PTPRD: variants seen among roughly 807,000 people sequenced by gnomAD.
The protein encoded by PTPRD is receptor-type tyrosine-protein phosphatase delta.
A neutral mutation model predicts 214.5 loss-of-function variants in PTPRD; 34 were observed. That is an observed-to-expected ratio of 0.16 (90% CI 0.12 to 0.21). PTPRD has a LOEUF of 0.21. Among genes scored for constraint, PTPRD ranks in the 10% least tolerant of loss-of-function variants. PTPRD has a pLI of 1.00. For synonymous variants in PTPRD, 1,128 were observed against 845.7 expected (o/e 1.33, Z -5.79); for missense variants, 2,545 against 2,398.7 (o/e 1.06, Z -1.27).
intron 9 of PTPRD, among the ~76,000 whole-genome samples, chr9:9,350,965 G>T (rs555189574): frequency 7.9e-5 from 12 of 152,070 alleles, no homozygotes; most frequent in Middle Eastern, 3.4e-3. Flanking sequence ...GCAAGTTTTT[G>T]TTCGTTTGTC....
chr9:8,496,171 A>AACACAC lies in PTPRD; in HGVS notation c.2349+1065_2349+1070dup, dbSNP rs566859758. ...ATGTATGTTCCACCTCCAACTCTCC[A>AACACAC]ACACACACACACACACACACACACA... On this transcript the variant is annotated intron_variant, in intron 26 of 45. Transcript: ENST00000381196. 6.8e-3 allele frequency among the ~76,000 whole-genome samples: 922 copies of AACACAC among 135,082 alleles called. 7 individuals carry two copies. The highest frequency in any genetic ancestry group is 0.034 in the Middle Eastern group (9 of 264). 88.6% of individuals were successfully genotyped at this position (135,082 alleles called of 152,430 possible).
At chr9:9,422,182 C>G (rs890763457) in intron 8 of PTPRD, among the ~76,000 whole-genome samples, 1 of 151,906 alleles carries the variant, frequency 6.6e-6, no homozygotes, top group African/African-American at 2.4e-5. Context: ...GAGATAAGTA[C>G]AATTATTATC....
intron 9 of PTPRD, among the ~76,000 whole-genome samples, chr9:9,226,156 G>T (rs2099959335): frequency 1.3e-5 from 2 of 151,724 alleles, no homozygotes; most frequent in Non-Finnish European, 2.9e-5. Flanking sequence ...TAAAGTGGGG[G>T]AAGAATAGTG....
At position 9,842,522 on chromosome 9, in the gene PTPRD, G is replaced by T. The variant is rs187781914; in HGVS notation, c.-367-75671C>A. Among the ~76,000 whole-genome samples the T allele has an allele frequency of 6.6e-5, 10 of 151,708 alleles. No individual in the cohort carries two copies. In the East Asian group the frequency reaches 1.9e-3, roughly 29 times the overall value. On this transcript the variant is annotated intron_variant, in intron 5 of 45. Coordinates refer to ENST00000381196, the MANE Select transcript of PTPRD (RefSeq NM_002839.4). ...AGAGAGTGTGGGAGGGAAGAAAAAA[G>T]AAATATTTGGGAACAAAAAAGAGAG...
At chr9:9,757,334 T>A (rs10977950) in intron 6 of PTPRD, among the ~76,000 whole-genome samples, 5,590 of 152,244 alleles carry the variant, frequency 0.037, 167 homozygotes, top group Non-Finnish European at 0.058. Context: ...ACAAAAGATG[T>A]AAGGAAGTAT....
chr9:9,915,631 A>G (rs1413806826), intron 5 of PTPRD, among the ~76,000 whole-genome samples: 1 of 151,808 alleles, frequency 6.6e-6, no homozygotes, highest in Non-Finnish European at 1.5e-5. Context: ...CTAGACCACC[A>G]AGCAGAAGAA....
chr9:9,546,336 T>G (rs1310200851), intron 8 of PTPRD, among the ~76,000 whole-genome samples: 1 of 151,824 alleles, frequency 6.6e-6, no homozygotes, highest in Non-Finnish European at 1.5e-5. Flanking sequence ...TTTTCTTGTC[T>G]TATTGCATAA....
chr9:9,223,312 ACCACACC>A (rs1322788922), intron 9 of PTPRD, among the ~76,000 whole-genome samples: 3 of 151,868 alleles, frequency 2.0e-5, no homozygotes, highest in African/African-American at 7.3e-5. Context: ...TTTCATGAAA[ACCACACC>A]CCACTGAGCT....
intron 2 of PTPRD, among the ~76,000 whole-genome samples, chr9:10,556,325 A>T (rs950040099): frequency 1.3e-5 from 2 of 151,844 alleles, no homozygotes; most frequent in Admixed American, 1.3e-4. Context: ...TAGAGTGGTA[A>T]ATATTTAGGA....
At chr9:8,824,322 G>A (rs1205978186) in intron 11 of PTPRD, among the ~76,000 whole-genome samples, 1 of 152,034 alleles carries the variant, frequency 6.6e-6, no homozygotes, top group African/African-American at 2.4e-5. Context: ...TGATCCTAAG[G>A]GTTGCCCAGG....
chr9:9,220,877 C>T (rs924875764), intron 9 of PTPRD, among the ~76,000 whole-genome samples: 1 of 152,036 alleles, frequency 6.6e-6, no homozygotes, highest in Non-Finnish European at 1.5e-5. Context: ...TGAAGAGGTA[C>T]TACAATTTAT....
chr9:8,778,108 G>C (rs2095554589), intron 11 of PTPRD, among the ~76,000 whole-genome samples: 1 of 152,188 alleles, frequency 6.6e-6, no homozygotes, highest in African/African-American at 2.4e-5. Context: ...ATTTCCATCT[G>C]AAAGGTTCAT....
chr9:10,364,855 T>C (rs972682875), intron 2 of PTPRD, among the ~76,000 whole-genome samples: 1 of 152,202 alleles, frequency 6.6e-6, no homozygotes, highest in East Asian at 1.9e-4. Flanking sequence ...AATTTCAGAA[T>C]TACATTTCCA....
intron 14 of PTPRD, among the ~76,000 whole-genome samples, chr9:8,631,715 T>C (rs1315115133): frequency 1.3e-5 from 2 of 151,868 alleles, no homozygotes; most frequent in East Asian, 3.9e-4. Flanking sequence ...GTGTTAAAAC[T>C]CCAGCACTAA....
chr9:8,676,603 C>T (rs1011433361), intron 12 of PTPRD, among the ~76,000 whole-genome samples: 10 of 151,644 alleles, frequency 6.6e-5, no homozygotes, highest in African/African-American at 1.2e-4. Flanking sequence ...GATGGAGTTT[C>T]ACTCTTGTTG....
chr9:10,434,031 A>G (rs1251118577), intron 2 of PTPRD, among the ~76,000 whole-genome samples: 1 of 151,700 alleles, frequency 6.6e-6, no homozygotes, highest in Non-Finnish European at 1.5e-5. Context: ...ATTATGCAAC[A>G]TTTTAATCTG....
At chr9:9,533,252 T>C (rs1394232587) in intron 8 of PTPRD, among the ~76,000 whole-genome samples, 2 of 152,060 alleles carry the variant, frequency 1.3e-5, no homozygotes, top group Non-Finnish European at 2.9e-5. Flanking sequence ...TATTGGTGAG[T>C]GAATGAGCAT....
chr9:10,390,148 A>T (rs1160610640), intron 2 of PTPRD, among the ~76,000 whole-genome samples: 1 of 151,862 alleles, frequency 6.6e-6, no homozygotes, highest in African/African-American at 2.4e-5. Flanking sequence ...TAAACACAAC[A>T]TAATTTCATA....
chr9:9,431,558 A>G (rs1220213620), intron 8 of PTPRD, among the ~76,000 whole-genome samples: 2 of 152,174 alleles, frequency 1.3e-5, no homozygotes. Context: ...TACTGGGCAT[A>G]TACCCAAAGG....
Sources: gnomAD v4.1 joint callset for allele counts (sites outside exome capture counted in the v4.1 genomes callset) on GRCh38, gnomAD v4.1.1 for gene constraint, MANE v1.5 for transcripts, NCBI Gene and HGNC (gene_info 2026-07-23, HGNC 2026-07-21) for gene names.